The following PPIP5K2 variants were observed in gnomAD, a reference collection of about 807,000 sequenced individuals.
PPIP5K2 encodes the protein inositol hexakisphosphate and diphosphoinositol-pentakisphosphate kinase 2.
In PPIP5K2, 105 loss-of-function variants were observed where a neutral mutation model predicts 154.6. That is an observed-to-expected ratio of 0.68 (90% CI 0.58 to 0.80). The LOEUF is 0.80. Among genes scored for constraint, PPIP5K2 ranks in the 30% least tolerant of loss-of-function variants. The pLI, the probability that PPIP5K2 is intolerant of heterozygous loss-of-function variation, is 0.00. For missense variants in PPIP5K2, 992 were observed against 1,504.6 expected, an observed-to-expected ratio of 0.66 and a Z score of 5.64; for synonymous variants, 480 against 490.3, an observed-to-expected ratio of 0.98 and a Z score of 0.28.
intron 6 of PPIP5K2, among the ~76,000 whole-genome samples, 189 bp downstream of exon 6, chr5:103,146,870 A>T (rs1295414414): frequency 2.0e-5 from 3 of 152,006 alleles, no homozygotes; most frequent in Non-Finnish European, 4.4e-5. Context: ...AATGTTGTTA[A>T]GCAGAATTTC....
intron 17 of PPIP5K2, among the ~76,000 whole-genome samples, 161 bp from the exon 18 acceptor site, chr5:103,167,018 G>A (rs537522382): frequency 1.3e-5 from 2 of 152,018 alleles, no homozygotes. Flanking sequence ...GTCCTTTGCA[G>A]TTCAAACCTG....
At chr5:103,147,595 G>A (rs1326249263) in intron 6 of PPIP5K2, among the ~76,000 whole-genome samples, 4 of 151,928 alleles carry the variant, frequency 2.6e-5, no homozygotes, top group African/African-American at 7.2e-5. Context: ...ATTGATAGGA[G>A]AATGGATAAA....
Position 103,184,699 on chromosome 5 carries a change from A to T in PPIP5K2, c.3124A>T (p.Arg1042Ter), listed in dbSNP as rs26821. The change falls in exon 26 of 31, where the codon AGA becomes TGA. Residue 1042 changes from arginine to a stop codon, truncating the protein, a stop_gained. Transcript: ENST00000358359. LOFTEE classifies it high-confidence loss of function. ...TGTATCTGAAAATGCTAATTACCTG[A>T]GAACACCAAGAACTCTTGTGGAACA... ...QVVSENANYL[R>*]TPRTLVEQKQ... The T allele has an allele frequency of 1.8e-5, 29 of 1,611,842 alleles. No homozygotes were observed. Among genetic ancestry groups the T allele is most frequent in the African/African-American group, 2.7e-5 (2 of 74,770 alleles).
chr5:103,159,914 A>G (rs1366161725), intron 17 of PPIP5K2, among the ~76,000 whole-genome samples: 4 of 152,076 alleles, frequency 2.6e-5, no homozygotes, highest in Admixed American at 6.6e-5. Flanking sequence ...CCCTTGACCA[A>G]CATCTTCCCA....
intron 13 of PPIP5K2, among the ~76,000 whole-genome samples, chr5:103,155,178 G>C (rs953626808): frequency 5.3e-5 from 8 of 151,916 alleles, no homozygotes; most frequent in Admixed American, 5.2e-4. Flanking sequence ...TGTGTCTTCT[G>C]TGAAATACTG....
At position 103,180,199 on chromosome 5, in the gene PPIP5K2, G is replaced by A. The variant is rs1554222233; in HGVS notation, c.2922+11G>A. Reference sequence around the variant, plus strand: ...ACGGCTACAAATGATGTAAGTATATGTATCAGAACACATTTTTCATACAGT... The same window carrying A: ...ACGGCTACAAATGATGTAAGTATATATATCAGAACACATTTTTCATACAGT... On this transcript the variant is annotated intron_variant, in intron 24 of 30. Transcript: ENST00000358359. 6.5e-7 allele frequency: 1 copy of A among 1,549,250 alleles called. No individual in the cohort carries two copies. The highest frequency in any genetic ancestry group is 8.7e-7 in the Non-Finnish European group (1 of 1,153,370).
chr5:103,134,804 A>C (rs1443726987), intron 3 of PPIP5K2, among the ~76,000 whole-genome samples: 1 of 152,198 alleles, frequency 6.6e-6, no homozygotes, highest in Non-Finnish European at 1.5e-5. Context: ...GGAGGCTTCA[A>C]ATCATAGACA....
chr5:103,195,060 A>T, intron 30 of PPIP5K2, 35 bp downstream of exon 30: 1 of 1,591,904 alleles, frequency 6.3e-7, no homozygotes, highest in Non-Finnish European at 8.5e-7. Context: ...GTGGATTTGC[A>T]CAGAAATTAG....
rs782147178 is a variant in PPIP5K2, at chr5:103,177,697, A to G, written c.2560A>G (p.Met854Val). The change falls in exon 22 of 31, where the codon ATG becomes GTG. Residue 854 changes from methionine (M) to valine (V), a missense_variant. This residue lies in a region of PPIP5K2 where 157 missense variants were observed against 281.2 expected (regional missense o/e 0.56). Coordinates refer to ENST00000358359, the MANE Select transcript of PPIP5K2 (RefSeq NM_001276277.3). ...ESKDEQWKRA[M>V]DYLNVVNELN... ...AAAGGATGAACAGTGGAAACGAGCT[A>G]TGGATTATTTAAACGTTGTCAATGA... 6.2e-7 allele frequency: 1 copy of G among 1,610,732 alleles called. No individual in the cohort carries two copies. The highest frequency in any genetic ancestry group is 1.7e-5 in the Admixed American group (1 of 59,746).
In PPIP5K2 at chr5:103,177,829, T is replaced by C. The variant is rs782364953; in HGVS notation, c.2638-35T>C. The C allele has an allele frequency of 3.1e-6, 5 of 1,598,654 alleles. No homozygotes were observed. The South Asian group carries it at 5.5e-5, about 18-fold the overall frequency. ...CAGACATAAATAAAGAGCTTAAAGT[T>C]TCTCATTTTGAAAATGTTCTGTCAT... is the stretch of plus-strand genomic sequence containing the variant. On this transcript the variant is annotated intron_variant, in intron 22 of 30. Transcript: ENST00000358359.
chr5:103,143,282 C>T (rs1263354297), intron 5 of PPIP5K2, among the ~76,000 whole-genome samples: 3 of 152,176 alleles, frequency 2.0e-5, no homozygotes, highest in Non-Finnish European at 2.9e-5. Context: ...ACTGTAGCCT[C>T]GACTCCCAAG....
intron 19 of PPIP5K2, 42 bp downstream of exon 19, chr5:103,168,337 A>T: frequency 6.9e-7 from 1 of 1,443,026 alleles, no homozygotes. Context: ...ATATTGAAAA[A>T]ATACTTTTAA....
Position 103,179,328 on chromosome 5 carries a change from C to T in PPIP5K2, c.2755-693C>T, listed in dbSNP as rs187631439. ...TGCATTTAGTTTTAGTTTGTGCGTT[C>T]TTATTGCTTTAAAATATGTGTTTTA... On this transcript the variant is annotated intron_variant, in intron 23 of 30. Coordinates refer to ENST00000358359, the MANE Select transcript of PPIP5K2 (RefSeq NM_001276277.3). Among the ~76,000 whole-genome samples the T allele has an allele frequency of 3.9e-5, 6 of 152,028 alleles. No homozygotes were observed. In the East Asian group the frequency reaches 1.2e-3, roughly 29 times the overall value.
intron 29 of PPIP5K2, among the ~76,000 whole-genome samples, chr5:103,193,696 T>C (rs1554227570): frequency 6.6e-6 from 1 of 152,134 alleles, no homozygotes; most frequent in East Asian, 1.9e-4. Flanking sequence ...AGTGACTACT[T>C]TGAGCTCTTT....
At position 103,205,642 on chromosome 5, in the gene PPIP5K2, G is replaced by A. The variant is rs782215236; in HGVS notation, c.*4008G>A. 1.3e-5 allele frequency: 2 copies of A among 152,064 alleles called. No individual in the cohort carries two copies. Among genetic ancestry groups the A allele is most frequent in the Non-Finnish European group, 1.5e-5 (1 of 68,004 alleles). 9.4% of individuals were successfully genotyped at this position (152,064 alleles called of 1,614,324 possible). On this transcript the variant is annotated 3_prime_UTR_variant, in exon 31 of 31. Coordinates refer to ENST00000358359, the MANE Select transcript of PPIP5K2 (RefSeq NM_001276277.3). ...TGGATTGTGAGAAAAACATCTTTTCGCTTAGGGATCACTGTCAATTTCTCC... is the reference window on the plus strand; with the variant it reads ...TGGATTGTGAGAAAAACATCTTTTCACTTAGGGATCACTGTCAATTTCTCC...
In PPIP5K2 at chr5:103,203,965, A is replaced by C; in HGVS notation, c.*2331A>C. 1 of 152,204 alleles carries C rather than the reference A, an allele frequency of 6.6e-6. No individual in the cohort carries two copies. Among genetic ancestry groups the C allele is most frequent in the East Asian group, 1.9e-4 (1 of 5,196 alleles). The allele number at this position is 152,204 out of a possible 1,614,324, so 9.4% of individuals were successfully genotyped here. A position where few individuals can be genotyped will look rare whatever the true frequency, so the allele number is the denominator to read the frequency against. On this transcript the variant is annotated 3_prime_UTR_variant, in exon 31 of 31. Transcript: ENST00000358359. ...GAGGCTGAAGGGAATACAGTAAAGT[A>C]ACAAAAACATGTGGCAGTGTGCTTA...
intron 2 of PPIP5K2, among the ~76,000 whole-genome samples, chr5:103,130,130 G>A (rs116737023): frequency 1.4e-3 from 210 of 152,246 alleles, no homozygotes; most frequent in African/African-American, 4.8e-3. Context: ...TGGTTGAACC[G>A]AAGATACTCA....
chr5:103,152,851 G>C, intron 10 of PPIP5K2, 102 bp downstream of exon 10: 1 of 707,176 alleles, frequency 1.4e-6, no homozygotes, highest in Non-Finnish European at 2.3e-6. Flanking sequence ...ACTTTAGTGT[G>C]TATGATTTCA....
rs782126438 is a variant in PPIP5K2 at position 103,175,873 on chromosome 5, CA to C, written c.2530-1793del. Among the ~76,000 whole-genome samples, 10 of 151,964 alleles carry C rather than the reference CA, an allele frequency of 6.6e-5. No individual in the cohort carries two copies. The East Asian group carries it at 1.2e-3, about 18-fold the overall frequency. On this transcript the variant is annotated intron_variant, in intron 21 of 30. Transcript: ENST00000358359. ...TCATTATTTTAAAAATCAGTGCTTC[CA>C]GGGGGAAAAATAATTACATGTATTT...
Sources: gnomAD v4.1 joint callset for allele counts (sites outside exome capture counted in the v4.1 genomes callset) on GRCh38, gnomAD v4.1.1 for gene constraint, gnomAD v4.1.1 regional missense constraint, MANE v1.5 for transcripts, NCBI Gene and HGNC (gene_info 2026-07-23, HGNC 2026-07-21) for gene names.